Variants in ZNF385D observed in about 807,000 individuals in gnomAD.
ZNF385D encodes zinc finger protein 385D.
A neutral mutation model predicts 35.8 loss-of-function variants in ZNF385D; 15 were observed. The observed-to-expected ratio is 0.42, with a 90% CI of 0.28 to 0.64. The LOEUF (loss-of-function observed/expected upper bound fraction) is 0.64, where lower values mean the gene tolerates loss of function less well. Among genes scored for constraint, ZNF385D ranks in the 30% least tolerant of loss-of-function variants. The pLI, the probability that ZNF385D is intolerant of heterozygous loss-of-function variation, is 0.23. For synonymous variants in ZNF385D, 212 were observed against 186.8 expected, an observed-to-expected ratio of 1.13 and a Z score of -1.10; for missense variants, 474 against 494.6, an observed-to-expected ratio of 0.96 and a Z score of 0.39.
At chr3:22,093,688 G>T (rs1404168721) in intron 3 of ZNF385D, among the ~76,000 whole-genome samples, 2 of 151,854 alleles carry the variant, frequency 1.3e-5, no homozygotes, top group African/African-American at 4.8e-5. Flanking sequence ...TTTTATTTCT[G>T]CTACTCATGT....
intron 3 of ZNF385D, among the ~76,000 whole-genome samples, chr3:21,814,986 T>C (rs1309204748): frequency 6.6e-6 from 1 of 152,208 alleles, no homozygotes; most frequent in Non-Finnish European, 1.5e-5. Context: ...AAACTGTCTC[T>C]CAGACCACAG....
intron 2 of ZNF385D, among the ~76,000 whole-genome samples, chr3:21,593,022 G>A (rs559395018): frequency 4.6e-5 from 7 of 152,112 alleles, no homozygotes; most frequent in African/African-American, 1.7e-4. Flanking sequence ...AGATCCTTGC[G>A]TGACCTCAGA....
At chr3:22,327,235 T>C (rs1258434643) in intron 2 of ZNF385D, among the ~76,000 whole-genome samples, 3 of 152,188 alleles carry the variant, frequency 2.0e-5, no homozygotes, top group Non-Finnish European at 2.9e-5. Context: ...GCCAGGAACA[T>C]TAAACCTTAC....
chr3:22,311,179 A>G (rs932295205), intron 2 of ZNF385D, among the ~76,000 whole-genome samples: 3 of 152,044 alleles, frequency 2.0e-5, no homozygotes, highest in Admixed American at 2.0e-4. Flanking sequence ...AATAGTATTT[A>G]TTCTTAAAGT....
At chr3:21,464,440 TCTTC>T (rs1703374906) in intron 4 of ZNF385D, among the ~76,000 whole-genome samples, 1 of 152,226 alleles carries the variant, frequency 6.6e-6, no homozygotes, top group South Asian at 2.1e-4. Context: ...CTTTTGTCTG[TCTTC>T]CTTTTTTTCC....
chr3:21,982,919 C>A (rs1291614101), intron 3 of ZNF385D, among the ~76,000 whole-genome samples: 1 of 151,844 alleles, frequency 6.6e-6, no homozygotes, highest in Non-Finnish European at 1.5e-5. Flanking sequence ...GTTGAACCAA[C>A]TTGCCTTCTG....
intron 2 of ZNF385D, among the ~76,000 whole-genome samples, chr3:22,273,420 A>G (rs1701276226): frequency 6.6e-6 from 1 of 151,546 alleles, no homozygotes; most frequent in African/African-American, 2.4e-5. Flanking sequence ...TGCAACTGGA[A>G]CTCTTAACAA....
intron 3 of ZNF385D, among the ~76,000 whole-genome samples, chr3:22,060,027 A>G (rs1460365965): frequency 6.6e-6 from 1 of 152,150 alleles, no homozygotes; most frequent in African/African-American, 2.4e-5. Context: ...TTGCCTTTGA[A>G]CATTGGGAGC....
At chr3:21,634,211 A>T (rs2065359770) in intron 2 of ZNF385D, among the ~76,000 whole-genome samples, 1 of 151,020 alleles carries the variant, frequency 6.6e-6, no homozygotes, top group African/African-American at 2.4e-5. Context: ...AAATAGAAAG[A>T]AAGAGAGAAA....
intron 3 of ZNF385D, among the ~76,000 whole-genome samples, chr3:21,763,008 T>C (rs960481103): frequency 3.9e-5 from 6 of 152,166 alleles, no homozygotes; most frequent in African/African-American, 1.4e-4. Flanking sequence ...GACACTGTCA[T>C]TGAGTAGGTA....
intron 2 of ZNF385D, among the ~76,000 whole-genome samples, chr3:21,589,154 A>G (rs2063898448): frequency 6.6e-6 from 1 of 152,170 alleles, no homozygotes; most frequent in Admixed American, 6.5e-5. Context: ...ATTGAATTTT[A>G]GATATAAATG....
chr3:21,561,899 A>G (rs2125638268), intron 3 of ZNF385D: 1 of 152,330 alleles, frequency 6.6e-6, no homozygotes, highest in East Asian at 1.9e-4. Context: ...ACACAAAGTG[A>G]GCTGAGATAT....
intron 3 of ZNF385D, among the ~76,000 whole-genome samples, chr3:21,899,861 G>C (rs17010025): frequency 0.11 from 17,296 of 152,004 alleles, 1,538 homozygotes; most frequent in East Asian, 0.33. Flanking sequence ...TATCAGAAAA[G>C]TTGAAGTCTT....
intron 3 of ZNF385D, among the ~76,000 whole-genome samples, chr3:22,150,325 A>T (rs1285012366): frequency 1.3e-5 from 2 of 152,162 alleles, no homozygotes; most frequent in Admixed American, 6.6e-5. Flanking sequence ...GTATGTATTT[A>T]TAAAACATGA....
chr3:22,270,211 C>T (rs1043354436), intron 2 of ZNF385D, among the ~76,000 whole-genome samples: 1 of 151,998 alleles, frequency 6.6e-6, no homozygotes, highest in East Asian at 1.9e-4. Context: ...AAATGGTACA[C>T]TGTGGTCACT....
intron 3 of ZNF385D, among the ~76,000 whole-genome samples, chr3:21,761,758 T>C (rs2070620164): frequency 2.0e-5 from 1 of 50,388 alleles, no homozygotes. Flanking sequence ...CATTGGATTC[T>C]TCCTTTTTTT....
intron 3 of ZNF385D, among the ~76,000 whole-genome samples, chr3:22,113,756 C>T (rs557142471): frequency 3.3e-5 from 5 of 152,062 alleles, no homozygotes; most frequent in Middle Eastern, 3.4e-3. Flanking sequence ...GAGGCCAAGG[C>T]GGGTGAATCA....
chr3:22,180,914 C>CTTTTGTTCTTTTTTTTTTTT (rs1695209879), intron 2 of ZNF385D, among the ~76,000 whole-genome samples: 4 of 113,010 alleles, frequency 3.5e-5, no homozygotes, highest in African/African-American at 1.7e-4. Flanking sequence ...TGCTTTTGTT[C>CTTTTGTTCTTTTTTTTTTTT]TTTTTTTTTT....
At chr3:21,779,616 G>C (rs535689854) in intron 3 of ZNF385D, among the ~76,000 whole-genome samples, 2 of 152,020 alleles carry the variant, frequency 1.3e-5, no homozygotes, top group South Asian at 2.1e-4. Context: ...TTCTATCTTA[G>C]AGAAAAAGAA....
Sources: gnomAD v4.1 joint callset for allele counts (sites outside exome capture counted in the v4.1 genomes callset) on GRCh38, gnomAD v4.1.1 for gene constraint, MANE v1.5 for transcripts, NCBI Gene and HGNC (gene_info 2026-07-23, HGNC 2026-07-21) for gene names.